Variants in CARMIL1 observed in about 807,000 individuals in gnomAD.
CARMIL1 encodes the protein capping protein regulator and myosin 1 linker 1.
A neutral mutation model predicts 177.1 loss-of-function variants in CARMIL1; 90 were observed. That is an observed-to-expected ratio of 0.51 (90% CI 0.43 to 0.61). The LOEUF is 0.61. Ranked by LOEUF, CARMIL1 falls within the 20% of genes least tolerant of loss-of-function variation. The pLI is 0.00. For synonymous variants in CARMIL1, 577 were observed against 606.2 expected (o/e 0.95, Z 0.71); for missense variants, 1,380 against 1,667.0 (o/e 0.83, Z 3.00).
chr6:25,539,369 G>A (rs1010915267), intron 25 of CARMIL1, among the ~76,000 whole-genome samples: 2 of 151,964 alleles, frequency 1.3e-5, no homozygotes, highest in African/African-American at 2.4e-5. Context: ...GCAGAGAACT[G>A]GAGACTTGCC....
chr6:25,588,608 G>C (rs555213653), intron 31 of CARMIL1, among the ~76,000 whole-genome samples: 5 of 152,200 alleles, frequency 3.3e-5, no homozygotes, highest in African/African-American at 9.7e-5. Flanking sequence ...AGGGATGGAG[G>C]CATGCTTATA....
intron 11 of CARMIL1, among the ~76,000 whole-genome samples, chr6:25,476,357 A>G (rs1228648112): frequency 6.6e-6 from 1 of 152,008 alleles, no homozygotes; most frequent in Non-Finnish European, 1.5e-5. Context: ...CTGCTCACAT[A>G]CCCTCAAATT....
At position 25,528,057 on chromosome 6, in the gene CARMIL1, T is replaced by A. The variant is rs576463231; in HGVS notation, c.1969-738T>A. 3.3e-5 allele frequency among the ~76,000 whole-genome samples: 5 copies of A among 152,344 alleles called. No homozygotes were observed. The South Asian group carries it at 1.0e-3, about 32-fold the overall frequency. On this transcript the variant is annotated intron_variant, in intron 23 of 36. Transcript: ENST00000329474. ...TCATTCTTAATAGTTAACCTTGCAT[T>A]TATGTTAAATATGTATTTATTGCAT...
chr6:25,516,043 G>A (rs1256612886), intron 21 of CARMIL1, among the ~76,000 whole-genome samples, 196 bp downstream of exon 21: 1 of 152,096 alleles, frequency 6.6e-6, no homozygotes, highest in African/African-American at 2.4e-5. Context: ...TGATTCCTTC[G>A]GTCTGTTGTC....
intron 21 of CARMIL1, among the ~76,000 whole-genome samples, 159 bp from the exon 22 acceptor site, chr6:25,517,188 C>G (rs746084475): frequency 6.6e-6 from 1 of 152,148 alleles, no homozygotes; most frequent in East Asian, 1.9e-4. Context: ...AAATGCTTAT[C>G]CTTGTTTTGT....
chr6:25,501,992 TAA>T (rs34408599), intron 17 of CARMIL1, among the ~76,000 whole-genome samples: 10 of 97,262 alleles, frequency 1.0e-4, no homozygotes, highest in Admixed American at 2.1e-4. Flanking sequence ...AGACATATTG[TAA>T]AAAAAAAAAA....
chr6:25,586,943 G>GGA (rs200340422), intron 31 of CARMIL1, among the ~76,000 whole-genome samples: 2,538 of 149,366 alleles, frequency 0.017, 47 homozygotes, highest in South Asian at 0.096. Flanking sequence ...TAGAGACCGT[G>GGA]GAGAGAGAGG....
intron 26 of CARMIL1, among the ~76,000 whole-genome samples, chr6:25,541,952 C>G (rs572943969): frequency 6.6e-6 from 1 of 152,316 alleles, no homozygotes; most frequent in African/African-American, 2.4e-5. Context: ...AGCCACTGCT[C>G]CCGGCCTCAT....
At chr6:25,552,183 T>G (rs1315614083) in intron 27 of CARMIL1, among the ~76,000 whole-genome samples, 9 of 152,180 alleles carry the variant, frequency 5.9e-5, no homozygotes. Context: ...AGTGACTTTA[T>G]AAACTCTAGC....
intron 20 of CARMIL1, among the ~76,000 whole-genome samples, chr6:25,513,560 G>A (rs1032243133): frequency 2.0e-5 from 3 of 152,206 alleles, no homozygotes; most frequent in African/African-American, 7.2e-5. Context: ...CCAACCAAAT[G>A]CATAATGATG....
At chr6:25,581,090 T>C in intron 30 of CARMIL1, 100 bp downstream of exon 30, 1 of 1,291,606 alleles carries the variant, frequency 7.7e-7, no homozygotes, top group East Asian at 2.5e-5. Context: ...ATGCACTACA[T>C]GGGTAAATAT....
chr6:25,298,879 C>T (rs747328289), intron 2 of CARMIL1, among the ~76,000 whole-genome samples: 5 of 151,880 alleles, frequency 3.3e-5, no homozygotes, highest in Non-Finnish European at 7.4e-5. Context: ...TTCAAATTCC[C>T]GAGTAGCTAG....
chr6:25,342,999 C>T (rs1023364947), intron 2 of CARMIL1, among the ~76,000 whole-genome samples: 1 of 152,214 alleles, frequency 6.6e-6, no homozygotes, highest in Middle Eastern at 3.2e-3. Context: ...CGGCTTCCTT[C>T]TAAGAATCCT....
rs144984125 is a variant in CARMIL1, at chr6:25,568,833, T to C, written c.2742+11983T>C. 5.9e-5 allele frequency among the ~76,000 whole-genome samples: 9 copies of C among 152,338 alleles called. No homozygotes were observed. The East Asian group carries it at 1.2e-3, about 20-fold the overall frequency. ...ATGTGGTTATTTGATATTGAAACTT[T>C]AAATGTTGGAGAATGTCACTGGAAG... On this transcript the variant is annotated intron_variant, in intron 29 of 36. Transcript: ENST00000329474.
chr6:25,398,708 T>C (rs1793636135), intron 2 of CARMIL1, among the ~76,000 whole-genome samples: 3 of 152,170 alleles, frequency 2.0e-5, no homozygotes, highest in Admixed American at 1.3e-4. Context: ...CCTTCCAGAA[T>C]CATGCAAATT....
intron 2 of CARMIL1, among the ~76,000 whole-genome samples, chr6:25,419,318 G>A (rs1795632731): frequency 6.6e-6 from 1 of 152,214 alleles, no homozygotes; most frequent in Non-Finnish European, 1.5e-5. Flanking sequence ...GACTTGAGAA[G>A]CCTTGGAGTT....
intron 2 of CARMIL1, among the ~76,000 whole-genome samples, chr6:25,342,163 G>A (rs993512989): frequency 6.6e-6 from 1 of 152,178 alleles, no homozygotes; most frequent in Non-Finnish European, 1.5e-5. Flanking sequence ...GAACACCAGG[G>A]GGTGATTCGA....
At chr6:25,408,486 C>T (rs1426761351) in intron 2 of CARMIL1, among the ~76,000 whole-genome samples, 1 of 151,836 alleles carries the variant, frequency 6.6e-6, no homozygotes, top group African/African-American at 2.4e-5. Context: ...CTGACTATCG[C>T]CAACACTTTT....
rs750680323 is a variant in CARMIL1, at chr6:25,509,624, C to G, written c.1396-32C>G. Reference sequence around the variant, plus strand: ...GATTACATCTCCAGTAGAGTGAAGACTTTACTTTGTGTTTGGTTTGTGTTT... The same window carrying G: ...GATTACATCTCCAGTAGAGTGAAGAGTTTACTTTGTGTTTGGTTTGTGTTT... On this transcript the variant is annotated intron_variant, in intron 17 of 36. Coordinates refer to ENST00000329474, the MANE Select transcript of CARMIL1 (RefSeq NM_017640.6). This position sits in a 1 kb window ranked among gnomAD's most constrained non-coding sequence, Gnocchi z 4.1. 25 of 1,471,206 alleles carry G rather than the reference C, an allele frequency of 1.7e-5. No homozygotes were observed. Among genetic ancestry groups the G allele is most frequent in the Non-Finnish European group, 2.2e-5 (23 of 1,062,744 alleles). 91.1% of individuals were successfully genotyped at this position (1,471,206 alleles called of 1,614,324 possible).
Sources: gnomAD v4.1 joint callset for allele counts (sites outside exome capture counted in the v4.1 genomes callset) on GRCh38, gnomAD v4.1.1 for gene constraint, Gnocchi (gnomAD v3.1) non-coding constraint, MANE v1.5 for transcripts, NCBI Gene and HGNC (gene_info 2026-07-23, HGNC 2026-07-21) for gene names.